Variants in INPP4B observed in about 807,000 individuals in gnomAD.
INPP4B encodes the protein inositol polyphosphate 4-phosphatase type II.
In INPP4B, 55 loss-of-function variants were observed where a neutral mutation model predicts 122.5. That is an observed-to-expected ratio of 0.45 (90% CI 0.36 to 0.56). The LOEUF is 0.56. Ranked by LOEUF, INPP4B falls within the 20% of genes least tolerant of loss-of-function variation. INPP4B has a pLI of 0.00. For synonymous variants in INPP4B, 403 were observed against 388.7 expected (o/e 1.04, Z -0.43); for missense variants, 1,000 against 1,097.7 (o/e 0.91, Z 1.26).
In INPP4B at chr4:142,683,010, TGA is replaced by T. The variant is rs1319281463; in HGVS notation, c.-191+42827_-191+42828del. ...TCAAAAAGATGTGTCTCTTAGTATT[TGA>T]GATAGATGATTTCCTAGATAAGCAA... On this transcript the variant is annotated intron_variant, in intron 2 of 25. Coordinates refer to ENST00000262992, the MANE Select transcript of INPP4B (RefSeq NM_001101669.3). 2.0e-5 allele frequency among the ~76,000 whole-genome samples: 3 copies of T among 151,900 alleles called. No individual in the cohort carries two copies. The East Asian group carries it at 5.8e-4, about 29-fold the overall frequency.
intron 7 of INPP4B, among the ~76,000 whole-genome samples, chr4:142,399,885 G>C (rs115300005): frequency 6.6e-6 from 1 of 151,526 alleles, no homozygotes. Context: ...TTCTGTATCC[G>C]TCTGCCAACT....
intron 1 of INPP4B, among the ~76,000 whole-genome samples, chr4:142,839,535 G>T (rs1203184639): frequency 6.6e-6 from 1 of 152,122 alleles, no homozygotes; most frequent in East Asian, 1.9e-4. Flanking sequence ...CAAGAGTTTG[G>T]ACTTTTAAAG....
intron 1 of INPP4B, among the ~76,000 whole-genome samples, chr4:142,838,274 T>A (rs1783060477): frequency 1.3e-5 from 2 of 152,052 alleles, no homozygotes; most frequent in South Asian, 4.1e-4. Context: ...CTTTTGATGA[T>A]TTTTTTCTGA....
intron 2 of INPP4B, among the ~76,000 whole-genome samples, chr4:142,720,024 G>A (rs906839786): frequency 2.6e-5 from 4 of 152,130 alleles, no homozygotes; most frequent in Non-Finnish European, 4.4e-5. Flanking sequence ...GAATCATAAA[G>A]TATCAAAGCA....
intron 2 of INPP4B, among the ~76,000 whole-genome samples, chr4:142,636,869 AATTATAGGATTTT>A (rs1749270015): frequency 6.6e-6 from 1 of 152,006 alleles, no homozygotes; most frequent in Admixed American, 6.6e-5. Flanking sequence ...AATTACTTGT[AATTATAGGATTTT>A]ATTTTATGGC....
At chr4:142,259,090 A>G (rs1738142182) in intron 11 of INPP4B, among the ~76,000 whole-genome samples, 1 of 151,708 alleles carries the variant, frequency 6.6e-6, no homozygotes, top group Non-Finnish European at 1.5e-5. Context: ...CATTCTCAGT[A>G]AATTATCACA....
At chr4:142,220,694 T>C (rs1849008237) in intron 12 of INPP4B, among the ~76,000 whole-genome samples, 1 of 152,158 alleles carries the variant, frequency 6.6e-6, no homozygotes, top group Non-Finnish European at 1.5e-5. Context: ...ATGGACTTGG[T>C]GGCTTAAACA....
At chr4:142,199,910 A>G (rs969767133) in intron 14 of INPP4B, among the ~76,000 whole-genome samples, 1 of 152,014 alleles carries the variant, frequency 6.6e-6, no homozygotes, top group Admixed American at 6.6e-5. Flanking sequence ...AAAGTTAGTA[A>G]AAATCTGGGG....
chr4:142,136,550 A>C (rs1412685244), intron 18 of INPP4B, among the ~76,000 whole-genome samples: 1 of 152,170 alleles, frequency 6.6e-6, no homozygotes, highest in African/African-American at 2.4e-5. Context: ...AAAGCTTTGA[A>C]AGCTCAGGAA....
chr4:142,599,366 C>G (rs1282196614), intron 2 of INPP4B, among the ~76,000 whole-genome samples: 1 of 152,140 alleles, frequency 6.6e-6, no homozygotes, highest in African/African-American at 2.4e-5. Context: ...TCACCATAGC[C>G]TTCATTAATA....
chr4:142,374,468 A>T (rs1791090275), intron 7 of INPP4B, among the ~76,000 whole-genome samples: 1 of 151,912 alleles, frequency 6.6e-6, no homozygotes, highest in South Asian at 2.1e-4. Flanking sequence ...AGTGGGAGAG[A>T]GCTTTCCATA....
chr4:142,072,979 C>T (rs1056028645), intron 25 of INPP4B, among the ~76,000 whole-genome samples: 2 of 152,032 alleles, frequency 1.3e-5, no homozygotes, highest in Admixed American at 1.3e-4. Flanking sequence ...TTCCAAAGTC[C>T]TTCCTCTTAC....
At chr4:142,265,491 A>G (rs1300241886) in intron 10 of INPP4B, among the ~76,000 whole-genome samples, 1 of 152,180 alleles carries the variant, frequency 6.6e-6, no homozygotes, top group Non-Finnish European at 1.5e-5. Context: ...GGGTCCATGC[A>G]TTTGCAGTTC....
intron 7 of INPP4B, among the ~76,000 whole-genome samples, chr4:142,390,906 A>C (rs937742465): frequency 6.6e-6 from 1 of 152,102 alleles, no homozygotes; most frequent in African/African-American, 2.4e-5. Context: ...GTCTTTTAGG[A>C]GGTTCATGAA....
intron 2 of INPP4B, among the ~76,000 whole-genome samples, chr4:142,705,220 AGGACCATC>A (rs1288873708): frequency 2.0e-5 from 3 of 152,120 alleles, no homozygotes; most frequent in Non-Finnish European, 2.9e-5. Context: ...CTTGATGTTC[AGGACCATC>A]GGTTCTCTAT....
At chr4:142,329,298 C>G (rs1036660947) in intron 7 of INPP4B, among the ~76,000 whole-genome samples, 5 of 152,086 alleles carry the variant, frequency 3.3e-5, no homozygotes, top group Admixed American at 3.3e-4. Context: ...CAGAGAAACT[C>G]AGGGAGAATA....
At chr4:142,461,496 T>A (rs1343982014) in intron 3 of INPP4B, among the ~76,000 whole-genome samples, 1 of 152,158 alleles carries the variant, frequency 6.6e-6, no homozygotes, top group Non-Finnish European at 1.5e-5. Flanking sequence ...ATGTGAAGTA[T>A]AATCAGGATT....
intron 12 of INPP4B, among the ~76,000 whole-genome samples, chr4:142,218,669 GCTGTAGAA>G (rs1438422144): frequency 6.6e-6 from 1 of 152,060 alleles, no homozygotes; most frequent in Non-Finnish European, 1.5e-5. Flanking sequence ...AATAAAAATA[GCTGTAGAA>G]CTTAAATAAA....
At chr4:142,810,641 G>T (rs905475061) in intron 1 of INPP4B, among the ~76,000 whole-genome samples, 1 of 152,056 alleles carries the variant, frequency 6.6e-6, no homozygotes, top group African/African-American at 2.4e-5. Context: ...AAATTTCTAT[G>T]GCACAAAAAG....
Sources: gnomAD v4.1 joint callset for allele counts (sites outside exome capture counted in the v4.1 genomes callset) on GRCh38, gnomAD v4.1.1 for gene constraint, MANE v1.5 for transcripts, NCBI Gene and HGNC (gene_info 2026-07-23, HGNC 2026-07-21) for gene names.